HEATR5A: variants seen among roughly 807,000 people sequenced by gnomAD.
HEATR5A encodes HEAT repeat-containing protein 5A.
Under a neutral mutation model 218.8 loss-of-function variants are expected in HEATR5A, and 178 were observed. The ratio of observed to expected loss-of-function variants is 0.81; its 90% CI spans 0.72 to 0.92. The LOEUF (loss-of-function observed/expected upper bound fraction) is 0.92, where lower values mean the gene tolerates loss of function less well. HEATR5A is among the 40% of genes least tolerant of loss of function. HEATR5A has a pLI of 0.00. For missense variants in HEATR5A, 2,420 were observed against 2,418.9 expected (o/e 1.00, Z -0.01); for synonymous variants, 864 against 871.6 (o/e 0.99, Z 0.15).
At chr14:31,389,438 A>G (rs1440519535) in intron 6 of HEATR5A, among the ~76,000 whole-genome samples, 1 of 152,366 alleles carries the variant, frequency 6.6e-6, no homozygotes, top group Non-Finnish European at 1.5e-5. Flanking sequence ...AGAAGTTTAT[A>G]TAATGTAAAT....
Position 31,358,876 on chromosome 14 carries a change from AGT to A in HEATR5A, c.2235+16_2235+17del, listed in dbSNP as rs767373682. 1.4e-5 allele frequency: 22 copies of A among 1,601,002 alleles called. No individual in the cohort carries two copies. The highest frequency in any genetic ancestry group is 1.7e-5 in the Non-Finnish European group (20 of 1,174,568). Reference sequence around the variant, plus strand: ...TGATCACAGATTGAATCTAATCAAGAGTAAAAAATGGCCATACCTGTTCTTCA... The same window carrying A: ...TGATCACAGATTGAATCTAATCAAGAAAAAAATGGCCATACCTGTTCTTCA... On this transcript the variant is annotated intron_variant, in intron 15 of 35. Coordinates refer to ENST00000543095, the MANE Select transcript of HEATR5A (RefSeq NM_015473.4).
chr14:31,393,379 T>C, intron 6 of HEATR5A, among the ~76,000 whole-genome samples: 1 of 151,972 alleles, frequency 6.6e-6, no homozygotes, highest in East Asian at 1.9e-4. Flanking sequence ...GGGATGGCAG[T>C]GAAAGCCTGT....
intron 6 of HEATR5A, among the ~76,000 whole-genome samples, chr14:31,389,293 CAG>C (rs1016850501): frequency 1.1e-4 from 17 of 152,202 alleles, no homozygotes; most frequent in Non-Finnish European, 2.4e-4. Context: ...TCTTCTAAAA[CAG>C]GGGAAAAACA....
chr14:31,301,994 G>A (rs539575308), intron 33 of HEATR5A, among the ~76,000 whole-genome samples: 14 of 150,966 alleles, frequency 9.3e-5, no homozygotes, highest in Middle Eastern at 3.5e-3. Flanking sequence ...CACCAGAATC[G>A]GCTGATTTTT....
chr14:31,308,883 A>G, intron 29 of HEATR5A, 51 bp downstream of exon 29: 1 of 1,511,574 alleles, frequency 6.6e-7, no homozygotes, highest in Non-Finnish European at 8.9e-7. Context: ...TCAAAAAAAA[A>G]AAAACAAAAA....
At position 31,350,341 on chromosome 14, in the gene HEATR5A, A is replaced by AG. The variant is rs199670046; in HGVS notation, c.2517+270dup. ...TAACAATGAGCTGGATTTGGTCCAC[A>AG]GGCCATAGTCTATCAATCCCTGGCC... On this transcript the variant is annotated intron_variant, in intron 17 of 35. Coordinates refer to ENST00000543095, the MANE Select transcript of HEATR5A (RefSeq NM_015473.4). 3.6e-3 allele frequency among the ~76,000 whole-genome samples: 548 copies of AG among 152,332 alleles called. 7 individuals carry two copies. Among genetic ancestry groups the AG allele is most frequent in the African/African-American group, 0.012 (519 of 41,570 alleles).
chr14:31,387,104 T>TTAA lies in HEATR5A; in HGVS notation c.1189+15_1189+16insTTA. The stretch of plus-strand genomic sequence containing the variant: ...ATTAGCACTGTTAAACAAACTGTCT[T>TTAA]AGTAGAGATCCATACCCATAACTTT... On this transcript the variant is annotated intron_variant, in intron 8 of 35. Transcript: ENST00000543095. The TTAA allele has an allele frequency of 3.1e-6, 5 of 1,613,454 alleles. No individual in the cohort carries two copies. The highest frequency in any genetic ancestry group is 4.2e-6 in the Non-Finnish European group (5 of 1,179,516).
chr14:31,304,458 C>A (rs1899488730), intron 32 of HEATR5A, among the ~76,000 whole-genome samples: 1 of 152,082 alleles, frequency 6.6e-6, no homozygotes, highest in South Asian at 2.1e-4. Context: ...ACTCTTGTTG[C>A]CCAGGCTGGA....
At chr14:31,329,537 G>A (rs183002685) in intron 22 of HEATR5A, among the ~76,000 whole-genome samples, 1 of 152,232 alleles carries the variant, frequency 6.6e-6, no homozygotes, top group African/African-American at 2.4e-5. Flanking sequence ...CATATCCAGG[G>A]AACACTGATG....
intron 26 of HEATR5A, among the ~76,000 whole-genome samples, chr14:31,316,152 T>G (rs1899905012): frequency 6.6e-6 from 1 of 152,050 alleles, no homozygotes; most frequent in Non-Finnish European, 1.5e-5. Context: ...CATGGTAATG[T>G]GCACCTGTAG....
At chr14:31,363,284 G>T (rs577945156) in intron 14 of HEATR5A, among the ~76,000 whole-genome samples, 10 of 151,116 alleles carry the variant, frequency 6.6e-5, no homozygotes, top group Admixed American at 3.3e-4. Flanking sequence ...TAAATTTCAA[G>T]ATACTATTGT....
At chr14:31,394,920 G>A (rs184917088) in intron 5 of HEATR5A, among the ~76,000 whole-genome samples, 2 of 152,256 alleles carry the variant, frequency 1.3e-5, no homozygotes, top group Admixed American at 1.3e-4. Flanking sequence ...AACCTCACAT[G>A]TAAATTTTAA....
intron 14 of HEATR5A, among the ~76,000 whole-genome samples, chr14:31,362,606 CAAAAAAAAAAA>C (rs71115003): frequency 8.9e-5 from 4 of 44,748 alleles, no homozygotes; most frequent in African/African-American, 2.0e-4. Context: ...CTACAAATGA[CAAAAAAAAAAA>C]AAAAAAAAAA....
chr14:31,293,248 C>T lies in HEATR5A; in HGVS notation c.*57G>A. The T allele has an allele frequency of 7.3e-7, 1 of 1,366,122 alleles. No individual in the cohort carries two copies. Among genetic ancestry groups the T allele is most frequent in the Non-Finnish European group, 1.0e-6 (1 of 999,538 alleles). The allele number at this position is 1,366,122 out of a possible 1,614,324, so 84.6% of individuals were successfully genotyped here. A position where few individuals can be genotyped will look rare whatever the true frequency, so the allele number is the denominator to read the frequency against. ...GTGTCTACAATGTCCCTTTTGTCAC[C>T]AAAGGCAATGATCAAGTATTTATTA... On this transcript the variant is annotated 3_prime_UTR_variant, in exon 36 of 36. Transcript: ENST00000543095.
chr14:31,337,647 A>G (rs1476032634), intron 21 of HEATR5A, 33 bp from the exon 22 acceptor site: 6 of 1,580,470 alleles, frequency 3.8e-6, no homozygotes, highest in African/African-American at 2.7e-5. Flanking sequence ...CGACAGAGCT[A>G]AAATTCTTGT....
intron 14 of HEATR5A, among the ~76,000 whole-genome samples, chr14:31,359,393 A>T (rs904615496): frequency 1.3e-5 from 2 of 152,132 alleles, no homozygotes; most frequent in African/African-American, 4.8e-5. Flanking sequence ...ACAAAAGCAG[A>T]TATGTTTTTT....
At chr14:31,322,365 C>T (rs904914050) in intron 24 of HEATR5A, among the ~76,000 whole-genome samples, 2 of 152,174 alleles carry the variant, frequency 1.3e-5, no homozygotes, top group Admixed American at 6.5e-5. Context: ...AATTTTGTAA[C>T]TGTAAAGTAT....
At position 31,343,876 on chromosome 14, in the gene HEATR5A, G is replaced by A. The variant is rs774532336; in HGVS notation, c.3228+20C>T. The A allele has an allele frequency of 1.2e-5, 18 of 1,533,568 alleles. No homozygotes were observed. The highest frequency in any genetic ancestry group is 3.8e-5 in the South Asian group (3 of 79,936). The allele number at this position is 1,533,568 out of a possible 1,614,324, so 95.0% of individuals were successfully genotyped here. A position where few individuals can be genotyped will look rare whatever the true frequency, so the allele number is the denominator to read the frequency against. ...TTCAAATAAAAGAAACTAAGAGCTC[G>A]TTTACAATTCTATACTCACACAGAG... On this transcript the variant is annotated intron_variant, in intron 21 of 35. Coordinates refer to ENST00000543095, the MANE Select transcript of HEATR5A (RefSeq NM_015473.4).
At chr14:31,309,217 A>C in intron 28 of HEATR5A, 35 bp from the exon 29 acceptor site, 1 of 1,596,898 alleles carries the variant, frequency 6.3e-7, no homozygotes, top group East Asian at 2.2e-5. Flanking sequence ...ATAAGAGATT[A>C]ACTTCCAATA....
Sources: gnomAD v4.1 joint callset for allele counts (sites outside exome capture counted in the v4.1 genomes callset) on GRCh38, gnomAD v4.1.1 for gene constraint, MANE v1.5 for transcripts, NCBI Gene and HGNC (gene_info 2026-07-23, HGNC 2026-07-21) for gene names.